Variants in PTPRQ observed in about 807,000 individuals in gnomAD.
PTPRQ encodes the protein protein tyrosine phosphatase receptor type Q.
In PTPRQ, 199 loss-of-function variants were observed where a neutral mutation model predicts 246.0. The ratio of observed to expected loss-of-function variants is 0.81; its 90% CI spans 0.72 to 0.91. The LOEUF (loss-of-function observed/expected upper bound fraction) is 0.91. Among genes scored for constraint, PTPRQ ranks in the 40% least tolerant of loss-of-function variants. The pLI is 0.00. For missense variants in PTPRQ, 2,624 were observed against 2,528.4 expected (o/e 1.04, Z -0.81); for synonymous variants, 869 against 853.2 (o/e 1.02, Z -0.32).
intron 14 of PTPRQ, among the ~76,000 whole-genome samples, chr12:80,499,164 C>T (rs4414293): frequency 0.85 from 128,862 of 151,464 alleles, 55,673 homozygotes; most frequent in Non-Finnish European, 0.93. Flanking sequence ...ACAGGCCTCA[C>T]TTAATAGGCT....
intron 3 of PTPRQ, among the ~76,000 whole-genome samples, chr12:80,452,296 G>A (rs1484105827): frequency 2.0e-5 from 3 of 151,506 alleles, no homozygotes; most frequent in African/African-American, 4.9e-5. Context: ...ACAGCACACT[G>A]ATGGGTCTTG....
At chr12:80,654,016 TTTTTTTC>T (rs1900342702) in intron 38 of PTPRQ, among the ~76,000 whole-genome samples, 3 of 151,456 alleles carry the variant, frequency 2.0e-5, no homozygotes, top group African/African-American at 7.3e-5. Context: ...TCTTTCTTTC[TTTTTTTC>T]TTTCTTTCTT....
At chr12:80,652,863 C>T (rs1199621566) in intron 38 of PTPRQ, 29 bp downstream of exon 38, 1 of 1,432,202 alleles carries the variant, frequency 7.0e-7, no homozygotes. Context: ...TTTGGTTTAG[C>T]TAGGAAATAT....
chr12:80,474,017 T>A (rs1893736239), intron 8 of PTPRQ, among the ~76,000 whole-genome samples: 1 of 152,182 alleles, frequency 6.6e-6, no homozygotes, highest in Non-Finnish European at 1.5e-5. Context: ...TCCATGGAGT[T>A]CTCTTGGGAT....
chr12:80,552,190 G>A (rs1489583158), intron 25 of PTPRQ, among the ~76,000 whole-genome samples: 1 of 152,086 alleles, frequency 6.6e-6, no homozygotes, highest in African/African-American at 2.4e-5. Context: ...CAGGCAAACA[G>A]TGTCAGAAAG....
At chr12:80,532,838 A>G (rs1671228909) in intron 17 of PTPRQ, among the ~76,000 whole-genome samples, 2 of 152,158 alleles carry the variant, frequency 1.3e-5, no homozygotes, top group Admixed American at 1.3e-4. Flanking sequence ...AAGCTTTCCA[A>G]CTATTTTTCA....
At chr12:80,611,271 CA>C (rs2121103092) in intron 28 of PTPRQ, among the ~76,000 whole-genome samples, 1 of 150,498 alleles carries the variant, frequency 6.6e-6, no homozygotes, top group South Asian at 2.1e-4. Flanking sequence ...CATCCTCCTT[CA>C]GACTCCTGAT....
At position 80,454,473 on chromosome 12, in the gene PTPRQ, T is replaced by G. The variant is rs756611041; in HGVS notation, c.391-3102T>G. 8 of 701,042 alleles carry G rather than the reference T, an allele frequency of 1.1e-5. No homozygotes were observed. Among genetic ancestry groups the G allele is most frequent in the Non-Finnish European group, 1.8e-5 (7 of 384,506 alleles). 43.4% of individuals were successfully genotyped at this position (701,042 alleles called of 1,614,324 possible). ...ATGCCTTTTATTTCTTTCTCTTGCT[T>G]GATCGCTCTGGCTAGGCCTTCCAGT... On this transcript the variant is annotated intron_variant, in intron 3 of 44. Transcript: ENST00000644991.
intron 19 of PTPRQ, among the ~76,000 whole-genome samples, chr12:80,535,833 C>A (rs987477655): frequency 6.6e-6 from 1 of 152,136 alleles, no homozygotes; most frequent in African/African-American, 2.4e-5. Flanking sequence ...CACGGCCGGG[C>A]GTGGTGGCTC....
At chr12:80,678,771 T>A in intron 44 of PTPRQ, 46 bp downstream of exon 44, 2 of 1,497,638 alleles carry the variant, frequency 1.3e-6, no homozygotes, top group Non-Finnish European at 1.8e-6. Flanking sequence ...GTTTACCACC[T>A]ACGGTAAGAA....
chr12:80,657,770 TG>T (rs1900491663), intron 38 of PTPRQ, among the ~76,000 whole-genome samples: 2 of 151,848 alleles, frequency 1.3e-5, no homozygotes, highest in African/African-American at 4.8e-5. Flanking sequence ...ATAAAGAATA[TG>T]TATAGAAAAT....
At chr12:80,574,314 C>T (rs1320231970) in intron 25 of PTPRQ, among the ~76,000 whole-genome samples, 3 of 152,106 alleles carry the variant, frequency 2.0e-5, no homozygotes, top group Non-Finnish European at 4.4e-5. Flanking sequence ...CAACAAAGTA[C>T]GTCTCTTGTG....
intron 35 of PTPRQ, among the ~76,000 whole-genome samples, chr12:80,637,870 G>A (rs1899715931): frequency 6.6e-6 from 1 of 152,166 alleles, no homozygotes; most frequent in Non-Finnish European, 1.5e-5. Context: ...GATTCTAGGA[G>A]TGAGAATCAA....
intron 17 of PTPRQ, among the ~76,000 whole-genome samples, chr12:80,522,031 A>C (rs1895511435): frequency 6.6e-6 from 1 of 152,090 alleles, no homozygotes; most frequent in South Asian, 2.1e-4. Context: ...ATCCTCTTTT[A>C]ATTCATTGAG....
chr12:80,564,874 A>G (rs1396195360), intron 25 of PTPRQ, among the ~76,000 whole-genome samples: 1 of 152,206 alleles, frequency 6.6e-6, no homozygotes, highest in Non-Finnish European at 1.5e-5. Flanking sequence ...GTCTAAGTAC[A>G]GACATTATGA....
chr12:80,492,900 C>T (rs2120643321), intron 9 of PTPRQ, among the ~76,000 whole-genome samples: 1 of 152,064 alleles, frequency 6.6e-6, no homozygotes, highest in East Asian at 1.9e-4. Context: ...AAAACACATT[C>T]TAATACATCA....
At chr12:80,540,029 T>A (rs1043456777) in intron 20 of PTPRQ, 85 bp downstream of exon 20, 1 of 1,157,640 alleles carries the variant, frequency 8.6e-7, no homozygotes, top group East Asian at 2.9e-5. Context: ...TTTGAATTTG[T>A]AATAACATCT....
At chr12:80,605,315 T>A in intron 27 of PTPRQ, 135 bp downstream of exon 27, 1 of 1,114,334 alleles carries the variant, frequency 9.0e-7, no homozygotes, top group Non-Finnish European at 1.2e-6. Context: ...TGTGTTTCAA[T>A]GTCTACATCT....
At chr12:80,647,193 T>C (rs971635162) in intron 35 of PTPRQ, among the ~76,000 whole-genome samples, 1 of 152,190 alleles carries the variant, frequency 6.6e-6, no homozygotes, top group Non-Finnish European at 1.5e-5. Flanking sequence ...ATAGGTGGAC[T>C]ACTAGCCTGT....
Sources: gnomAD v4.1 joint callset for allele counts (sites outside exome capture counted in the v4.1 genomes callset) on GRCh38, gnomAD v4.1.1 for gene constraint, MANE v1.5 for transcripts, NCBI Gene and HGNC (gene_info 2026-07-23, HGNC 2026-07-21) for gene names.